The following ATP6V0A1 variants were observed in gnomAD, a reference collection of about 807,000 sequenced individuals.
ATP6V0A1 encodes the protein V-type proton ATPase 116 kDa subunit a 1.
Under a neutral mutation model 105.4 loss-of-function variants are expected in ATP6V0A1, and 43 were observed. That is an observed-to-expected ratio of 0.41 (90% CI 0.32 to 0.53). The LOEUF (loss-of-function observed/expected upper bound fraction) is 0.53. Among genes scored for constraint, ATP6V0A1 ranks in the 20% least tolerant of loss-of-function variants. The pLI is 0.30. For synonymous variants in ATP6V0A1, 362 were observed against 372.8 expected (o/e 0.97, Z 0.33); for missense variants, 676 against 1,051.1 (o/e 0.64, Z 4.93).
intron 5 of ATP6V0A1, among the ~76,000 whole-genome samples, chr17:42,474,818 CATAGG>C (rs2088511230): frequency 6.6e-6 from 1 of 152,050 alleles, no homozygotes. Flanking sequence ...TATATTTAGG[CATAGG>C]AGTTATGATT....
At chr17:42,479,959 T>G (rs2089286243) in intron 7 of ATP6V0A1, among the ~76,000 whole-genome samples, 1 of 152,222 alleles carries the variant, frequency 6.6e-6, no homozygotes, top group South Asian at 2.1e-4. Context: ...TTTAGGGATT[T>G]CAGACCCTTG....
chr17:42,464,550 C>A (rs974551052), intron 2 of ATP6V0A1, among the ~76,000 whole-genome samples: 2 of 151,792 alleles, frequency 1.3e-5, no homozygotes, highest in African/African-American at 2.4e-5. Context: ...TTACAGGTGC[C>A]CGCTGCCACT....
intron 21 of ATP6V0A1, among the ~76,000 whole-genome samples, chr17:42,515,783 G>A (rs545562659): frequency 2.4e-4 from 36 of 152,114 alleles, no homozygotes; most frequent in Admixed American, 7.2e-4. Flanking sequence ...AGTGAAACTC[G>A]GTCTCAAAAA....
At chr17:42,461,471 T>C (rs1209140500) in intron 2 of ATP6V0A1, among the ~76,000 whole-genome samples, 1 of 152,186 alleles carries the variant, frequency 6.6e-6, no homozygotes, top group Non-Finnish European at 1.5e-5. Flanking sequence ...GGAGAAGCTA[T>C]CTAAAGAATA....
At chr17:42,517,007 C>T (rs1030064670) in intron 21 of ATP6V0A1, among the ~76,000 whole-genome samples, 2 of 152,198 alleles carry the variant, frequency 1.3e-5, no homozygotes, top group Admixed American at 6.5e-5. Context: ...TTACTGGGTG[C>T]GATGGCTCAC....
intron 11 of ATP6V0A1, among the ~76,000 whole-genome samples, chr17:42,490,944 C>T (rs1485344130): frequency 6.6e-6 from 1 of 152,168 alleles, no homozygotes; most frequent in Non-Finnish European, 1.5e-5. Flanking sequence ...ACAGCAGCCT[C>T]AACCTCGTGG....
In ATP6V0A1 at chr17:42,513,994, C is replaced by A; in HGVS notation, c.2248+16C>A. The A allele has an allele frequency of 6.2e-7, 1 of 1,607,988 alleles. No individual in the cohort carries two copies. The highest frequency in any genetic ancestry group is 8.5e-7 in the Non-Finnish European group (1 of 1,174,520). On this transcript the variant is annotated intron_variant, in intron 20 of 21. Transcript: ENST00000343619. Reference sequence around the variant, plus strand: ...GCTCATGCGCGTGAGTACCTCTCTCCGGGCTCCGGAACTCTAGTTTCCCCC... The same window carrying A: ...GCTCATGCGCGTGAGTACCTCTCTCAGGGCTCCGGAACTCTAGTTTCCCCC...
Position 42,520,837 on chromosome 17 carries a change from C to T in ATP6V0A1, c.2421-190C>T, listed in dbSNP as rs1180318740. Reference sequence around the variant, plus strand: ...GGGAACTGAGGGCAAATCCCTTCCTCCGTGCGTCGAACTCTTGATCCCAGG... The same window carrying T: ...GGGAACTGAGGGCAAATCCCTTCCTTCGTGCGTCGAACTCTTGATCCCAGG... On this transcript the variant is annotated intron_variant, in intron 21 of 21. Transcript: ENST00000343619. 5 of 597,262 alleles carry T rather than the reference C, an allele frequency of 8.4e-6. No homozygotes were observed. The African/African-American group carries it at 9.2e-5, about 11-fold the overall frequency. The allele number at this position is 597,262 out of a possible 1,614,324, so 37.0% of individuals were successfully genotyped here. A position where few individuals can be genotyped will look rare whatever the true frequency, so the allele number is the denominator to read the frequency against.
chr17:42,470,341 T>A, intron 5 of ATP6V0A1, 123 bp downstream of exon 5: 1 of 1,182,092 alleles, frequency 8.5e-7, no homozygotes, highest in Non-Finnish European at 1.2e-6. Flanking sequence ...TTTTGCACCC[T>A]GTTTTAGTTA....
At chr17:42,466,398 C>A in intron 2 of ATP6V0A1, 31 bp from the exon 3 acceptor site, 1 of 1,539,530 alleles carries the variant, frequency 6.5e-7, no homozygotes, top group Non-Finnish European at 9.0e-7. Flanking sequence ...TACAATATTT[C>A]AATGTTTGGT....
chr17:42,476,083 G>A (rs111841010), intron 5 of ATP6V0A1, among the ~76,000 whole-genome samples: 8 of 152,218 alleles, frequency 5.3e-5, no homozygotes, highest in Non-Finnish European at 7.4e-5. Context: ...TGTAATCATC[G>A]GGATCCTGAA....
In ATP6V0A1 at chr17:42,494,291, G is replaced by C. The variant is rs767798503; in HGVS notation, c.1175-43G>C. On this transcript the variant is annotated intron_variant, in intron 11 of 21. Coordinates refer to ENST00000343619, the MANE Select transcript of ATP6V0A1 (RefSeq NM_001130021.3). ...ATGTAATATTTGTGGAATTGCTATG[G>C]TTTAATGTACTTTGTATTTTTCTTT... The C allele has an allele frequency of 1.0e-5, 16 of 1,562,058 alleles. No homozygotes were observed. In the East Asian group the frequency reaches 3.6e-4, roughly 35 times the overall value.
chr17:42,477,588 C>T, intron 5 of ATP6V0A1, 72 bp from the exon 6 acceptor site: 2 of 1,519,398 alleles, frequency 1.3e-6, no homozygotes, highest in Non-Finnish European at 1.8e-6. Context: ...TCCTCGTTGC[C>T]TGCATGCCAC....
At chr17:42,519,485 G>A (rs188112483) in intron 21 of ATP6V0A1, 3 of 152,380 alleles carry the variant, frequency 2.0e-5, no homozygotes, top group Non-Finnish European at 4.4e-5. Flanking sequence ...TGTAAATCTC[G>A]TTTCAGCTGT....
intron 12 of ATP6V0A1, chr17:42,494,803 A>T (rs754158810): frequency 8.0e-6 from 4 of 496,982 alleles, no homozygotes; most frequent in Non-Finnish European, 1.4e-5. Context: ...CTGCCAAAAG[A>T]AATGGCCAAA....
chr17:42,515,468 CAAA>C (rs34612473), intron 21 of ATP6V0A1, among the ~76,000 whole-genome samples: 11 of 85,484 alleles, frequency 1.3e-4, no homozygotes, highest in East Asian at 3.3e-4. Flanking sequence ...GACTCTGTCT[CAAA>C]AAAAAAAAAA....
intron 5 of ATP6V0A1, 171 bp from the exon 6 acceptor site, chr17:42,477,489 C>T: frequency 3.5e-6 from 2 of 574,788 alleles, no homozygotes; most frequent in East Asian, 3.1e-5. Context: ...GTTTTCATCC[C>T]CTATTCTTCT....
chr17:42,507,828 C>T lies in ATP6V0A1; in HGVS notation c.2112+201C>T, dbSNP rs747420698. 3.3e-5 allele frequency among the ~76,000 whole-genome samples: 5 copies of T among 152,198 alleles called. No homozygotes were observed. The South Asian group carries it at 6.2e-4, about 19-fold the overall frequency. ...AGCTCCAGCTGTTGCCCCCAGAGCC[C>T]GCAGCAGTTTTGCTCCTATCTTGAA... On this transcript the variant is annotated intron_variant, in intron 18 of 21. Coordinates refer to ENST00000343619, the MANE Select transcript of ATP6V0A1 (RefSeq NM_001130021.3).
chr17:42,474,586 C>T (rs568524983), intron 5 of ATP6V0A1, among the ~76,000 whole-genome samples: 10 of 152,286 alleles, frequency 6.6e-5, no homozygotes, highest in Admixed American at 2.6e-4. Flanking sequence ...TCTGCACATG[C>T]GCGTGCACTT....
Sources: gnomAD v4.1 joint callset for allele counts (sites outside exome capture counted in the v4.1 genomes callset) on GRCh38, gnomAD v4.1.1 for gene constraint, MANE v1.5 for transcripts, NCBI Gene and HGNC (gene_info 2026-07-23, HGNC 2026-07-21) for gene names.